PLCB4: variants seen among roughly 807,000 people sequenced by gnomAD.
PLCB4 encodes phospholipase C beta 4.
Under a neutral mutation model 178.8 loss-of-function variants are expected in PLCB4, and 77 were observed. That is an observed-to-expected ratio of 0.43 (90% CI 0.36 to 0.52). PLCB4 has a LOEUF of 0.52. Among genes scored for constraint, PLCB4 ranks in the 20% least tolerant of loss-of-function variants. The pLI is 0.00. For synonymous variants in PLCB4, 496 were observed against 490.8 expected (o/e 1.01, Z -0.14); for missense variants, 1,024 against 1,453.4 (o/e 0.70, Z 4.80).
chr20:9,296,204 A>C (rs2094632284), intron 3 of PLCB4, among the ~76,000 whole-genome samples: 1 of 152,206 alleles, frequency 6.6e-6, no homozygotes, highest in African/African-American at 2.4e-5. Flanking sequence ...GAAGGATGTG[A>C]ACAGACACTT....
intron 4 of PLCB4, among the ~76,000 whole-genome samples, chr20:9,334,615 C>G (rs2032187626): frequency 6.6e-6 from 1 of 151,928 alleles, no homozygotes; most frequent in African/African-American, 2.4e-5. Flanking sequence ...CAAGAAAACA[C>G]TAAATGAGAC....
At chr20:9,123,988 G>A (rs1033459801) in intron 2 of PLCB4, among the ~76,000 whole-genome samples, 1 of 151,970 alleles carries the variant, frequency 6.6e-6, no homozygotes, top group Non-Finnish European at 1.5e-5. Context: ...TGTGGGACTG[G>A]GTTCCAACAC....
At chr20:9,401,068 A>G (rs944642376) in intron 19 of PLCB4, among the ~76,000 whole-genome samples, 8 of 152,188 alleles carry the variant, frequency 5.3e-5, no homozygotes, top group African/African-American at 1.9e-4. Flanking sequence ...GTCTCTTTCA[A>G]AATTATCCGA....
intron 3 of PLCB4, among the ~76,000 whole-genome samples, chr20:9,262,516 A>C (rs570077635): frequency 6.6e-6 from 1 of 152,238 alleles, no homozygotes; most frequent in South Asian, 2.1e-4. Flanking sequence ...AGACTGGAGG[A>C]GTAGGAAGGA....
chr20:9,427,255 C>A (rs1268379434), intron 28 of PLCB4, among the ~76,000 whole-genome samples: 1 of 151,814 alleles, frequency 6.6e-6, no homozygotes, highest in East Asian at 1.9e-4. Context: ...AAATAACTCC[C>A]AAAAGACACA....
At chr20:9,315,872 G>A (rs2094892880) in intron 4 of PLCB4, among the ~76,000 whole-genome samples, 1 of 152,010 alleles carries the variant, frequency 6.6e-6, no homozygotes, top group Non-Finnish European at 1.5e-5. Context: ...GGCAGAGGTT[G>A]CGGTGAGCTG....
intron 32 of PLCB4, among the ~76,000 whole-genome samples, chr20:9,446,872 ACT>A (rs1220482364): frequency 1.3e-5 from 2 of 152,188 alleles, no homozygotes; most frequent in East Asian, 1.9e-4. Flanking sequence ...CAAGAGCAAG[ACT>A]CTGTCTCAAA....
At chr20:9,279,844 G>A (rs576367166) in intron 3 of PLCB4, among the ~76,000 whole-genome samples, 23 of 152,044 alleles carry the variant, frequency 1.5e-4, no homozygotes, top group Middle Eastern at 3.4e-3. Flanking sequence ...ATTGCATTCT[G>A]CCTTTTCATT....
chr20:9,377,866 T>TAA (rs2036809429), intron 12 of PLCB4, among the ~76,000 whole-genome samples: 1 of 152,190 alleles, frequency 6.6e-6, no homozygotes, highest in Admixed American at 6.5e-5. Context: ...TGCATACCTT[T>TAA]ATATGTTAGG....
At chr20:9,320,202 G>A (rs2094944361) in intron 4 of PLCB4, among the ~76,000 whole-genome samples, 1 of 152,214 alleles carries the variant, frequency 6.6e-6, no homozygotes, top group African/African-American at 2.4e-5. Flanking sequence ...TTATTCATGA[G>A]TTTTCCAGGA....
chr20:9,196,544 G>C (rs2093474694), intron 2 of PLCB4, among the ~76,000 whole-genome samples: 1 of 152,166 alleles, frequency 6.6e-6, no homozygotes, highest in Admixed American at 6.5e-5. Flanking sequence ...CAGAATTCAG[G>C]CTATGGAAAG....
At chr20:9,274,755 A>G (rs147981106) in intron 3 of PLCB4, among the ~76,000 whole-genome samples, 2 of 152,186 alleles carry the variant, frequency 1.3e-5, no homozygotes, top group East Asian at 3.9e-4. Context: ...ATGGTTCTAG[A>G]GAGCAGATAA....
intron 2 of PLCB4, among the ~76,000 whole-genome samples, chr20:9,211,553 G>A (rs2093673262): frequency 1.3e-5 from 2 of 152,194 alleles, no homozygotes; most frequent in Non-Finnish European, 2.9e-5. Flanking sequence ...CTAAACTTGG[G>A]TTATTCCTGA....
intron 2 of PLCB4, among the ~76,000 whole-genome samples, chr20:9,160,278 G>A (rs2092864734): frequency 6.6e-6 from 1 of 152,168 alleles, no homozygotes. Context: ...GGAAACCAGA[G>A]CTCGTTAGAA....
At chr20:9,420,618 C>T (rs2040566450) in intron 26 of PLCB4, among the ~76,000 whole-genome samples, 1 of 152,108 alleles carries the variant, frequency 6.6e-6, no homozygotes, top group East Asian at 1.9e-4. Flanking sequence ...GATGAGCCAC[C>T]GTGCCTAGCC....
intron 2 of PLCB4, among the ~76,000 whole-genome samples, chr20:9,214,828 A>G (rs1301936524): frequency 6.6e-6 from 1 of 152,236 alleles, no homozygotes; most frequent in African/African-American, 2.4e-5. Flanking sequence ...GTAGTTAAGT[A>G]TTTCAACATT....
intron 1 of PLCB4, among the ~76,000 whole-genome samples, chr20:9,088,234 A>G (rs1273390355): frequency 6.9e-6 from 1 of 144,424 alleles, no homozygotes; most frequent in Non-Finnish European, 1.5e-5. Context: ...AAGGAAAGGG[A>G]TCTGTTGAAT....
intron 7 of PLCB4, among the ~76,000 whole-genome samples, chr20:9,360,414 G>A (rs140718405): frequency 3.3e-5 from 5 of 151,468 alleles, no homozygotes; most frequent in East Asian, 1.9e-4. Flanking sequence ...AATTTATTTC[G>A]ACAAACAACT....
At chr20:9,284,875 C>T (rs1213114439) in intron 3 of PLCB4, among the ~76,000 whole-genome samples, 1 of 151,826 alleles carries the variant, frequency 6.6e-6, no homozygotes, top group East Asian at 1.9e-4. Flanking sequence ...TAAACCAGGT[C>T]TAGAGCTCTG....
Sources: allele counts gnomAD v4.1 joint callset (sites outside exome capture counted in the v4.1 genomes callset), GRCh38; gene constraint gnomAD v4.1.1; transcripts MANE v1.5; gene names NCBI Gene and HGNC (gene_info 2026-07-23, HGNC 2026-07-21).